Variants in AGBL4 observed in about 807,000 individuals in gnomAD.
AGBL4 encodes cytosolic carboxypeptidase 6.
A neutral mutation model predicts 66.4 loss-of-function variants in AGBL4; 58 were observed. The ratio of observed to expected loss-of-function variants is 0.87; its 90% CI spans 0.71 to 1.09. The LOEUF is 1.09. Among genes scored for constraint, AGBL4 ranks in the 50% least tolerant of loss-of-function variants. The pLI is 0.00. For synonymous variants in AGBL4, 234 were observed against 222.9 expected (o/e 1.05, Z -0.44); for missense variants, 579 against 631.0 (o/e 0.92, Z 0.88).
At chr1:48,778,220 CA>C (rs139867753) in intron 6 of AGBL4, among the ~76,000 whole-genome samples, 5,437 of 152,280 alleles carry the variant, frequency 0.036, 140 homozygotes, top group Non-Finnish European at 0.056. Context: ...TTTATTCAAG[CA>C]ACCAATATTC....
intron 1 of AGBL4, among the ~76,000 whole-genome samples, chr1:49,853,580 T>C (rs1646359607): frequency 6.6e-6 from 1 of 152,020 alleles, no homozygotes; most frequent in Admixed American, 6.6e-5. Context: ...GAAAGATACC[T>C]GAAGATATAA....
intron 3 of AGBL4, among the ~76,000 whole-genome samples, chr1:49,617,838 GGTTTTGTTTT>G (rs200916740): frequency 2.0e-5 from 3 of 152,072 alleles, no homozygotes; most frequent in Non-Finnish European, 4.4e-5. Context: ...CCAAGGTTTC[GGTTTTGTTTT>G]GTTTTGTTTT....
In AGBL4 at chr1:48,959,383, C is replaced by T. The variant is rs192203891; in HGVS notation, c.594+86201G>A. ...AAATACTTGTTATTTAATAATTAAT[C>T]CAGCAATTATTTGAGAACCTACTAT... On this transcript the variant is annotated intron_variant, in intron 5 of 13. Coordinates refer to ENST00000371839, the MANE Select transcript of AGBL4 (RefSeq NM_032785.4). 2.9e-3 allele frequency among the ~76,000 whole-genome samples: 441 copies of T among 152,188 alleles called. 2 individuals carry two copies. Among genetic ancestry groups the T allele is most frequent in the African/African-American group, 0.01 (422 of 41,528 alleles).
intron 5 of AGBL4, among the ~76,000 whole-genome samples, chr1:48,925,667 AC>A (rs1226216195): frequency 1.3e-5 from 2 of 152,176 alleles, no homozygotes; most frequent in Non-Finnish European, 2.9e-5. Context: ...AATAATCTGC[AC>A]GTTTGATACA....
chr1:49,475,580 A>G (rs1323314358), intron 3 of AGBL4, among the ~76,000 whole-genome samples: 1 of 151,706 alleles, frequency 6.6e-6, no homozygotes, highest in Admixed American at 6.6e-5. Context: ...TGTTGTAGGT[A>G]TTTTTATCCC....
intron 5 of AGBL4, among the ~76,000 whole-genome samples, chr1:48,892,818 C>T (rs1304325568): frequency 6.6e-6 from 1 of 152,174 alleles, no homozygotes; most frequent in Admixed American, 6.5e-5. Flanking sequence ...TTTCCTCTAA[C>T]CATTCCCCCC....
At chr1:48,691,258 T>C (rs1334789170) in intron 6 of AGBL4, among the ~76,000 whole-genome samples, 1 of 151,084 alleles carries the variant, frequency 6.6e-6, no homozygotes. Context: ...ATATAATCTA[T>C]ATTAAAATTT....
intron 3 of AGBL4, among the ~76,000 whole-genome samples, chr1:49,305,594 T>C (rs1644835132): frequency 6.6e-6 from 1 of 152,210 alleles, no homozygotes; most frequent in Non-Finnish European, 1.5e-5. Context: ...TGTATTGTGA[T>C]GTCATTAAAG....
chr1:49,933,650 G>A (rs1653605790), intron 1 of AGBL4, among the ~76,000 whole-genome samples: 1 of 152,002 alleles, frequency 6.6e-6, no homozygotes, highest in South Asian at 2.1e-4. Flanking sequence ...CAAAGTGTGA[G>A]GGGGGTGAAA....
intron 6 of AGBL4, chr1:48,761,045 T>C (rs1208436265): frequency 3.4e-6 from 1 of 296,248 alleles, no homozygotes; most frequent in African/African-American, 2.1e-5. Context: ...TCTCCAGAGC[T>C]GTGGGCCAAG....
intron 5 of AGBL4, among the ~76,000 whole-genome samples, chr1:48,950,165 C>T (rs567280119): frequency 3.3e-5 from 5 of 151,616 alleles, no homozygotes; most frequent in South Asian, 4.2e-4. Context: ...GGTGTGATCT[C>T]GGCTCACTGC....
At chr1:49,544,148 G>A (rs1379381948) in intron 3 of AGBL4, among the ~76,000 whole-genome samples, 4 of 152,088 alleles carry the variant, frequency 2.6e-5, no homozygotes, top group African/African-American at 7.2e-5. Context: ...CCTGCTTTAG[G>A]AACTGTGCTC....
intron 1 of AGBL4, chr1:49,995,984 T>G (rs1009083775): frequency 4.6e-5 from 7 of 152,200 alleles, no homozygotes; most frequent in African/African-American, 1.7e-4. Flanking sequence ...AGTCCAGCTC[T>G]CAGGAAGCCC....
At chr1:49,488,488 C>T (rs1647116196) in intron 3 of AGBL4, among the ~76,000 whole-genome samples, 1 of 151,624 alleles carries the variant, frequency 6.6e-6, no homozygotes, top group African/African-American at 2.4e-5. Flanking sequence ...ATAATAATCA[C>T]ATCAGGGTAA....
At chr1:49,282,050 C>A (rs1644283994) in intron 3 of AGBL4, among the ~76,000 whole-genome samples, 1 of 152,104 alleles carries the variant, frequency 6.6e-6, no homozygotes, top group South Asian at 2.1e-4. Context: ...AACACTTAAC[C>A]CCTGGCATCT....
chr1:48,773,499 G>C (rs1323951584), intron 6 of AGBL4, among the ~76,000 whole-genome samples: 5 of 152,160 alleles, frequency 3.3e-5, no homozygotes, highest in Non-Finnish European at 7.3e-5. Context: ...GGGGACAGCT[G>C]TGTGTGCTCT....
chr1:49,236,428 T>C (rs867755165), intron 4 of AGBL4, among the ~76,000 whole-genome samples: 1 of 152,156 alleles, frequency 6.6e-6, no homozygotes, highest in Non-Finnish European at 1.5e-5. Context: ...CTCTGGGAAG[T>C]CTCAGATCCT....
rs144662467 is a variant in AGBL4 at position 49,384,710 on chromosome 1, A to G, written c.283-138846T>C. Among the ~76,000 whole-genome samples, 523 of 152,332 alleles carry G rather than the reference A, an allele frequency of 3.4e-3. 1 individual carries two copies. Among genetic ancestry groups the G allele is most frequent in the African/African-American group, 0.012 (493 of 41,582 alleles). On this transcript the variant is annotated intron_variant, in intron 3 of 13. Coordinates refer to ENST00000371839, the MANE Select transcript of AGBL4 (RefSeq NM_032785.4). ...AAAACCACAATACCTATCATTTCATAATCCTTAAGATGGCCACTATCCAAA... is the reference window on the plus strand; with the variant it reads ...AAAACCACAATACCTATCATTTCATGATCCTTAAGATGGCCACTATCCAAA...
intron 1 of AGBL4, among the ~76,000 whole-genome samples, chr1:49,953,702 CA>C (rs914196899): frequency 3.6e-4 from 52 of 142,872 alleles, no homozygotes; most frequent in Admixed American, 4.9e-4. Context: ...TTCCAAACTC[CA>C]AAAAAAAAAA....
Sources: gnomAD v4.1 joint callset for allele counts (sites outside exome capture counted in the v4.1 genomes callset) on GRCh38, gnomAD v4.1.1 for gene constraint, MANE v1.5 for transcripts, NCBI Gene and HGNC (gene_info 2026-07-23, HGNC 2026-07-21) for gene names.